The following STAT5B variants were observed in gnomAD, a reference collection of about 807,000 sequenced individuals.
The protein encoded by STAT5B is signal transducer and activator of transcription 5B.
A neutral mutation model predicts 107.8 loss-of-function variants in STAT5B; 21 were observed. The ratio of observed to expected loss-of-function variants is 0.19; its 90% CI spans 0.14 to 0.28. The LOEUF (loss-of-function observed/expected upper bound fraction) is 0.28, where lower values mean the gene tolerates loss of function less well. Ranked by LOEUF, STAT5B falls within the 10% of genes least tolerant of loss-of-function variation. The pLI is 1.00. For synonymous variants in STAT5B, 325 were observed against 401.7 expected (o/e 0.81, Z 2.28); for missense variants, 565 against 1,008.2 (o/e 0.56, Z 5.95).
intron 2 of STAT5B, among the ~76,000 whole-genome samples, chr17:42,228,354 G>A (rs2080291197): frequency 6.6e-6 from 1 of 152,178 alleles, no homozygotes; most frequent in African/African-American, 2.4e-5. Context: ...TACTGAACTG[G>A]TGACGGGGGT....
At chr17:42,282,343 A>T in the STAT5B span, among the ~76,000 whole-genome samples, 1 of 151,554 alleles carries the variant, frequency 6.6e-6, no homozygotes, top group Non-Finnish European at 1.5e-5. Context: ...TTTTTTTTTT[A>T]GACAGAGTCT....
Position 42,212,011 on chromosome 17 carries a change from C to G in STAT5B, c.1653G>C (p.Leu551=). The part of the protein sequence containing the change: ...SSSHLEDYSG[L]SVSWSQFNRE... ...TGTTGAACTGGGACCAGGACACAGACAGGCCACTGTAGTCCTCCAGGTGGC... is the reference window on the plus strand; with the variant it reads ...TGTTGAACTGGGACCAGGACACAGAGAGGCCACTGTAGTCCTCCAGGTGGC... Residue 551 remains leucine, a synonymous_variant, in exon 13 of 19, where the codon CTG becomes CTC. Transcript: ENST00000293328. 3.7e-6 allele frequency: 6 copies of G among 1,613,596 alleles called. No homozygotes were observed. The highest frequency in any genetic ancestry group is 4.2e-6 in the Non-Finnish European group (5 of 1,179,762).
intron 5 of STAT5B, among the ~76,000 whole-genome samples, chr17:42,221,502 T>C (rs921828945): frequency 6.6e-6 from 1 of 152,136 alleles, no homozygotes; most frequent in African/African-American, 2.4e-5. Context: ...GCGTGATAGA[T>C]CCAAACCCAA....
intron 16 of STAT5B, among the ~76,000 whole-genome samples, chr17:42,207,121 C>A (rs958637840): frequency 1.3e-5 from 2 of 152,130 alleles, no homozygotes; most frequent in Non-Finnish European, 2.9e-5. Flanking sequence ...GATCCGCCTG[C>A]CTTGGCCTCC....
intron 1 of STAT5B, among the ~76,000 whole-genome samples, chr17:42,255,566 T>C (rs1226479532): frequency 6.6e-6 from 1 of 152,092 alleles, no homozygotes; most frequent in East Asian, 1.9e-4. Flanking sequence ...GGGCAGATAG[T>C]GTATGATTCC....
intron 1 of STAT5B, among the ~76,000 whole-genome samples, chr17:42,262,767 T>C (rs527931471): frequency 1.4e-4 from 20 of 138,388 alleles, no homozygotes; most frequent in East Asian, 4.3e-4. Flanking sequence ...TGTATATATA[T>C]ACATATATGT....
intron 13 of STAT5B, among the ~76,000 whole-genome samples, chr17:42,211,300 G>C (rs1389314812): frequency 6.6e-6 from 1 of 152,032 alleles, no homozygotes; most frequent in Non-Finnish European, 1.5e-5. Flanking sequence ...CTGAGGTCGG[G>C]AGTTCGAGAC....
At chr17:42,285,340 C>T in the STAT5B span, among the ~76,000 whole-genome samples, 4 of 152,342 alleles carry the variant, frequency 2.6e-5, no homozygotes, top group African/African-American at 9.6e-5. Context: ...GATCCTCCCA[C>T]CTCAGCCTCC....
chr17:42,217,904 C>A, intron 9 of STAT5B: 1 of 561,908 alleles, frequency 1.8e-6, no homozygotes, highest in Non-Finnish European at 3.0e-6. Flanking sequence ...CAGGGTTTCA[C>A]CATGTTGGCC....
chr17:42,218,638 G>C (rs372416692), intron 8 of STAT5B, 85 bp downstream of exon 8: 14 of 1,607,136 alleles, frequency 8.7e-6, no homozygotes, highest in East Asian at 2.2e-5. Flanking sequence ...AAGTGGATCT[G>C]CTGGTCTGGA....
chr17:42,233,150 T>A lies in STAT5B; in HGVS notation c.-10-1013A>T, dbSNP rs192704520. ...CTGCGCCCAGCTGAGAGATTTTTTT[T>A]AAAAAATCACTTGTTTTAGATTTGG... On this transcript the variant is annotated intron_variant, in intron 1 of 18. Transcript: ENST00000293328. 9.8e-3 allele frequency among the ~76,000 whole-genome samples: 1,489 copies of A among 152,190 alleles called. 18 individuals are homozygous for A. The highest frequency in any genetic ancestry group is 0.033 in the African/African-American group (1,364 of 41,544).
At chr17:42,267,002 C>G (rs2080678857) in intron 1 of STAT5B, among the ~76,000 whole-genome samples, 2 of 152,130 alleles carry the variant, frequency 1.3e-5, no homozygotes, top group Admixed American at 6.5e-5. Context: ...CAGTCAATGA[C>G]AGACCACATA....
intron 1 of STAT5B, among the ~76,000 whole-genome samples, chr17:42,250,580 T>C (rs1276155984): frequency 6.6e-6 from 1 of 152,136 alleles, no homozygotes; most frequent in African/African-American, 2.4e-5. Flanking sequence ...TTCAAGGAGT[T>C]TTGTCCACCT....
chr17:42,250,806 C>T (rs559121547), intron 1 of STAT5B, among the ~76,000 whole-genome samples: 181 of 151,926 alleles, frequency 1.2e-3, no homozygotes, highest in Non-Finnish European at 2.3e-3. Context: ...CACCTGTAGT[C>T]CCAGCTACTC....
rs2080285393 is a variant in STAT5B, at chr17:42,227,692, GA to G, written c.129-8del. 1.2e-6 allele frequency: 2 copies of G among 1,613,748 alleles called. No individual in the cohort carries two copies. Among genetic ancestry groups the G allele is most frequent in the South Asian group, 1.1e-5 (1 of 91,056 alleles). On this transcript the variant is annotated splice_region_variant and splice_polypyrimidine_tract_variant and intron_variant, in intron 2 of 18. Coordinates refer to ENST00000293328, the MANE Select transcript of STAT5B (RefSeq NM_012448.4). The stretch of plus-strand genomic sequence containing the variant: ...ATCAAGATCTACTGAGTCCCTAGGG[GA>G]AAAAAATTACATAATCTGTATACAT...
chr17:42,273,413 T>C (rs1567681037), intron 1 of STAT5B, among the ~76,000 whole-genome samples: 1 of 152,210 alleles, frequency 6.6e-6, no homozygotes, highest in Non-Finnish European at 1.5e-5. Flanking sequence ...TAAAAGGATA[T>C]TCTTCTCAAG....
intron 3 of STAT5B, among the ~76,000 whole-genome samples, chr17:42,226,350 G>T (rs964006729): frequency 6.6e-6 from 1 of 152,176 alleles, no homozygotes; most frequent in African/African-American, 2.4e-5. Context: ...GTGATCTTGG[G>T]CTGGATTCTG....
chr17:42,285,105 T>A, the STAT5B span, among the ~76,000 whole-genome samples: 1 of 152,096 alleles, frequency 6.6e-6, no homozygotes, highest in African/African-American at 2.4e-5. Context: ...TTTCTTTTTT[T>A]TTGAGACAGA....
rs11653908 is a variant in STAT5B, at chr17:42,232,261, A to G, written c.-10-124T>C. The stretch of plus-strand genomic sequence containing the variant: ...TATTTTATTATTTATTTTTATTTTT[A>G]TTTTTTTGAGACAGTCTCGCTCTGC... On this transcript the variant is annotated intron_variant, in intron 1 of 18. Coordinates refer to ENST00000293328, the MANE Select transcript of STAT5B (RefSeq NM_012448.4). The G allele has an allele frequency of 0.091, 97,103 of 1,062,332 alleles. 5,117 individuals carry two copies. The highest frequency in any genetic ancestry group is 0.17 in the Admixed American group (4,392 of 25,232). 65.8% of individuals were successfully genotyped at this position (1,062,332 alleles called of 1,614,324 possible).
Sources: gnomAD v4.1 joint callset for allele counts (sites outside exome capture counted in the v4.1 genomes callset) on GRCh38, gnomAD v4.1.1 for gene constraint, MANE v1.5 for transcripts, NCBI Gene and HGNC (gene_info 2026-07-23, HGNC 2026-07-21) for gene names.